The following STK32A variants were observed in gnomAD, a reference collection of about 807,000 sequenced individuals.
The protein encoded by STK32A is serine/threonine-protein kinase 32A.
In STK32A, 41 loss-of-function variants were observed where a neutral mutation model predicts 53.2. The observed-to-expected ratio is 0.77, with a 90% CI of 0.60 to 1.00. The LOEUF is 1.00. STK32A is among the 50% of genes least tolerant of loss of function. STK32A has a pLI of 0.00. For synonymous variants in STK32A, 166 were observed against 162.8 expected (o/e 1.02, Z -0.15); for missense variants, 458 against 485.8 (o/e 0.94, Z 0.54).
intron 8 of STK32A, among the ~76,000 whole-genome samples, chr5:147,368,207 T>C (rs1756853285): frequency 6.6e-6 from 1 of 152,266 alleles, no homozygotes; most frequent in African/African-American, 2.4e-5. Flanking sequence ...TAACTTAGGA[T>C]AGATGTGTAC....
At chr5:147,345,147 A>G (rs1755621785) in intron 6 of STK32A, among the ~76,000 whole-genome samples, 2 of 152,100 alleles carry the variant, frequency 1.3e-5, no homozygotes, top group African/African-American at 4.8e-5. Context: ...AACACACTTC[A>G]CTCATTTCCT....
At chr5:147,347,994 T>C (rs548256798) in intron 6 of STK32A, among the ~76,000 whole-genome samples, 128 of 152,342 alleles carry the variant, frequency 8.4e-4, no homozygotes, top group Non-Finnish European at 1.5e-3. Context: ...GGACTAGAAC[T>C]CTGAGCCAAT....
chr5:147,349,833 C>A (rs911188755), intron 6 of STK32A, among the ~76,000 whole-genome samples: 2 of 151,966 alleles, frequency 1.3e-5, no homozygotes, highest in Non-Finnish European at 2.9e-5. Flanking sequence ...GTTGACTGGC[C>A]GGGCGCAGTG....
At chr5:147,374,654 C>T (rs1757153619) in intron 10 of STK32A, among the ~76,000 whole-genome samples, 1 of 152,106 alleles carries the variant, frequency 6.6e-6, no homozygotes, top group Non-Finnish European at 1.5e-5. Context: ...GCTTCTCTGA[C>T]TTTAGTGTGA....
At chr5:147,300,237 A>G (rs1753064501) in intron 4 of STK32A, among the ~76,000 whole-genome samples, 1 of 152,196 alleles carries the variant, frequency 6.6e-6, no homozygotes, top group Non-Finnish European at 1.5e-5. Flanking sequence ...ATTCCTGAAG[A>G]AACTGAGGCT....
intron 4 of STK32A, among the ~76,000 whole-genome samples, chr5:147,314,916 T>A (rs984328480): frequency 6.6e-6 from 1 of 152,006 alleles, no homozygotes; most frequent in Non-Finnish European, 1.5e-5. Flanking sequence ...GACAATTTTT[T>A]TTTTCTTTTG....
At chr5:147,288,867 A>G (rs1182366631) in intron 4 of STK32A, among the ~76,000 whole-genome samples, 2 of 152,206 alleles carry the variant, frequency 1.3e-5, no homozygotes, top group Non-Finnish European at 2.9e-5. Flanking sequence ...TTTAAGTCAC[A>G]TGGTTATAAG....
intron 2 of STK32A, among the ~76,000 whole-genome samples, chr5:147,271,367 G>A (rs1419639367): frequency 2.0e-5 from 3 of 152,030 alleles, no homozygotes; most frequent in Non-Finnish European, 2.9e-5. Context: ...TGAGGAGGAT[G>A]TATTTTGCCT....
downstream of STK32A, among the ~76,000 whole-genome samples, chr5:147,389,055 A>T (rs567302008): frequency 6.6e-6 from 1 of 152,340 alleles, no homozygotes; most frequent in African/African-American, 2.4e-5. Context: ...ATGCACTTAG[A>T]GTAGCTTGTG....
chr5:147,254,368 G>A (rs1457945510), intron 2 of STK32A, among the ~76,000 whole-genome samples: 1 of 152,136 alleles, frequency 6.6e-6, no homozygotes, highest in East Asian at 1.9e-4. Context: ...AGGATTATAC[G>A]AAATAATGCA....
downstream of STK32A, chr5:147,392,202 T>C (rs1201440584): frequency 1.3e-5 from 2 of 152,240 alleles, no homozygotes; most frequent in African/African-American, 4.8e-5. Context: ...AGCTACATTT[T>C]CCCTTTTACT....
chr5:147,322,871 T>A (rs1268289209), intron 4 of STK32A, among the ~76,000 whole-genome samples: 1 of 152,176 alleles, frequency 6.6e-6, no homozygotes, highest in Non-Finnish European at 1.5e-5. Context: ...TGATCCTGCC[T>A]AATTCAGTGA....
intron 4 of STK32A, among the ~76,000 whole-genome samples, chr5:147,314,413 A>G (rs1226361226): frequency 6.7e-6 from 1 of 149,784 alleles, no homozygotes; most frequent in African/African-American, 2.5e-5. Context: ...CAGGAGAATC[A>G]CTTGAACCTG....
chr5:147,324,513 C>T (rs1754483686), intron 5 of STK32A, among the ~76,000 whole-genome samples: 1 of 152,120 alleles, frequency 6.6e-6, no homozygotes, highest in Non-Finnish European at 1.5e-5. Flanking sequence ...AATGTATGTA[C>T]TGCAAATGGA....
chr5:147,364,231 A>G (rs541897144), intron 8 of STK32A, among the ~76,000 whole-genome samples: 32 of 151,876 alleles, frequency 2.1e-4, no homozygotes, highest in African/African-American at 5.8e-4. Context: ...AAAAAAAAAA[A>G]AAAAGAAATC....
chr5:147,342,933 C>G, intron 5 of STK32A, 73 bp from the exon 6 acceptor site: 4 of 1,432,276 alleles, frequency 2.8e-6, no homozygotes, highest in East Asian at 2.3e-5. Context: ...CTTTCTTAAG[C>G]CTTTTTGCCC....
rs1005462944 is a variant in STK32A, at chr5:147,386,812, C to T, written c.*2829C>T. The T allele has an allele frequency of 3.9e-5, 6 of 152,252 alleles. No individual in the cohort carries two copies. The highest frequency in any genetic ancestry group is 8.8e-5 in the Non-Finnish European group (6 of 68,052). 9.4% of individuals were successfully genotyped at this position (152,252 alleles called of 1,614,324 possible). ...TGCTGATTGTAATCACCTCCCACCA[C>T]TGTGCATTTTAAACATGAGAACAAA... On this transcript the variant is annotated 3_prime_UTR_variant, in exon 13 of 13. Transcript: ENST00000397936.
chr5:147,348,469 A>C (rs1755797011), intron 6 of STK32A, among the ~76,000 whole-genome samples: 1 of 152,196 alleles, frequency 6.6e-6, no homozygotes, highest in Non-Finnish European at 1.5e-5. Flanking sequence ...ACGGGGCGTA[A>C]GAATCTGCAT....
chr5:147,311,577 G>GT (rs1753699531), intron 4 of STK32A, among the ~76,000 whole-genome samples: 1 of 152,098 alleles, frequency 6.6e-6, no homozygotes, highest in Non-Finnish European at 1.5e-5. Flanking sequence ...GTTTTGTTTT[G>GT]TTTTTAAGAG....
Sources: allele counts gnomAD v4.1 joint callset (sites outside exome capture counted in the v4.1 genomes callset), GRCh38; gene constraint gnomAD v4.1.1; transcripts MANE v1.5; gene names NCBI Gene and HGNC (gene_info 2026-07-23, HGNC 2026-07-21).